Variants in CAND1 observed in about 807,000 individuals in gnomAD.
CAND1 encodes the protein cullin-associated NEDD8-dissociated protein 1.
Under a neutral mutation model 108.5 loss-of-function variants are expected in CAND1, and 7 were observed. The observed-to-expected ratio is 0.06, with a 90% CI of 0.04 to 0.12. The LOEUF (loss-of-function observed/expected upper bound fraction) is 0.12, where lower values mean the gene tolerates loss of function less well. Ranked by LOEUF, CAND1 falls within the 10% of genes least tolerant of loss-of-function variation. CAND1 has a pLI of 1.00. For missense variants in CAND1, 941 were observed against 1,448.7 expected, an observed-to-expected ratio of 0.65 and a Z score of 5.69; for synonymous variants, 534 against 512.0, an observed-to-expected ratio of 1.04 and a Z score of -0.58.
At position 67,292,767 on chromosome 12, in the gene CAND1, G is replaced by C; in HGVS notation, c.358G>C (p.Ala120Pro). 3 of 1,613,158 alleles carry C rather than the reference G, an allele frequency of 1.9e-6. No individual in the cohort carries two copies. The highest frequency in any genetic ancestry group is 1.7e-5 in the Admixed American group (1 of 59,840). The change falls in exon 3 of 15, where the codon GCT (alanine) becomes CCT (proline). Residue 120 changes from alanine (A) to proline (P), a missense_variant. Transcript: ENST00000545606. ...AACAGTAATTGGAGAACTTCCTCCA[G>C]CTTCCAGTGGTAAGCAAGAGCACAT... Reference protein sequence around the residue: ...LKTVIGELPPASSGSALAANV... With the variant: ...LKTVIGELPPPSSGSALAANV...
rs1364841583 is a variant in CAND1 at position 67,318,690 on chromosome 12, A to G, written c.*5860A>G. 6.6e-6 allele frequency: 1 copy of G among 152,156 alleles called. No individual in the cohort carries two copies. Among genetic ancestry groups the G allele is most frequent in the African/African-American group, 2.4e-5 (1 of 41,436 alleles). 9.4% of individuals were successfully genotyped at this position (152,156 alleles called of 1,614,324 possible). On this transcript the variant is annotated 3_prime_UTR_variant, in exon 15 of 15. Transcript: ENST00000545606. ...TTTGTGTTCATTCATTTAGCAAGCC[A>G]ATTTATTACGCGCTTAGGGTGCTGC...
At chr12:67,310,883 A>T (rs2044942130) in intron 13 of CAND1, 2 of 152,138 alleles carry the variant, frequency 1.3e-5, no homozygotes, top group South Asian at 4.1e-4. Flanking sequence ...ACTTGAGAGA[A>T]ATCATACTGC....
rs184352472 is a variant in CAND1 at position 67,307,342 on chromosome 12, T to A, written c.2930-55T>A. 3.3e-3 allele frequency: 4,074 copies of A among 1,229,064 alleles called. 13 individuals are homozygous for A. The highest frequency in any genetic ancestry group is 4.7e-3 in the Admixed American group (268 of 56,766). 76.1% of individuals were successfully genotyped at this position (1,229,064 alleles called of 1,614,324 possible). A position where few individuals can be genotyped will look rare whatever the true frequency, so the allele number is the denominator to read the frequency against. On this transcript the variant is annotated intron_variant, in intron 10 of 14. Transcript: ENST00000545606. The stretch of plus-strand genomic sequence containing the variant: ...TATTTGGAGTGGTTTAAAAATGATG[T>A]CCGTGAGTTTTAGTGGACTACATAC...
At chr12:67,299,149 G>A (rs2044799018) in intron 7 of CAND1, 54 bp downstream of exon 7, 11 of 1,437,316 alleles carry the variant, frequency 7.7e-6, no homozygotes, top group Non-Finnish European at 9.2e-6. Context: ...ACTTATAGAT[G>A]GAGATGATTC....
chr12:67,284,697 C>T (rs1464920062), intron 2 of CAND1, among the ~76,000 whole-genome samples: 1 of 145,288 alleles, frequency 6.9e-6, no homozygotes, highest in African/African-American at 2.7e-5. Context: ...AAAGAGTACA[C>T]ATGCATGTAC....
intron 2 of CAND1, among the ~76,000 whole-genome samples, chr12:67,285,428 A>G (rs1199516905): frequency 6.6e-6 from 1 of 152,186 alleles, no homozygotes; most frequent in African/African-American, 2.4e-5. Context: ...TGACTAAAGT[A>G]TATTAGGGTT....
In CAND1 at chr12:67,269,732, G is replaced by C. The variant is rs762926113; in HGVS notation, c.15G>C (p.Ser5=). 5.6e-6 allele frequency: 9 copies of C among 1,606,342 alleles called. No individual in the cohort carries two copies. The highest frequency in any genetic ancestry group is 7.6e-6 in the Non-Finnish European group (9 of 1,177,600). The change falls in exon 1 of 15, where the codon TCG becomes TCC. Residue 5 remains serine, a synonymous_variant. Coordinates refer to ENST00000545606, the MANE Select transcript of CAND1 (RefSeq NM_018448.5). MASA[S]YHISNLLEKM... is the part of the protein sequence containing the mutation. ...AGGCCGTCAACATGGCGAGCGCCTCGTACCACATTTCCAATTTGCTGGAAA... is the reference window on the plus strand; with the variant it reads ...AGGCCGTCAACATGGCGAGCGCCTCCTACCACATTTCCAATTTGCTGGAAA...
chr12:67,318,725 A>G lies in CAND1; in HGVS notation c.*5895A>G, dbSNP rs2136029677. On this transcript the variant is annotated 3_prime_UTR_variant, in exon 15 of 15. Coordinates refer to ENST00000545606, the MANE Select transcript of CAND1 (RefSeq NM_018448.5). ...GCGCTTAGGGTGCTGCCAGGGCTAC[A>G]AAAGCTGTTGAGACTGTACTTGATA... The G allele has an allele frequency of 6.6e-6, 1 of 152,332 alleles. No individual in the cohort carries two copies. The highest frequency in any genetic ancestry group is 1.9e-4 in the East Asian group (1 of 5,184). 9.4% of individuals were successfully genotyped at this position (152,332 alleles called of 1,614,324 possible). A position where few individuals can be genotyped will look rare whatever the true frequency, so the allele number is the denominator to read the frequency against.
In CAND1 at chr12:67,297,554, T is replaced by C. The variant is rs776925230; in HGVS notation, c.639T>C (p.Asp213=). Residue 213 remains aspartate, a synonymous_variant, in exon 5 of 15, where the codon GAT becomes GAC. Coordinates refer to ENST00000545606, the MANE Select transcript of CAND1 (RefSeq NM_018448.5). ...GCTGTGGAAATATAGTTTTTGTAGA[T>C]CTTATTGAACATCTGTTGTCAGAGT... ...VMSCGNIVFV[D]LIEHLLSELS... The C allele has an allele frequency of 6.2e-7, 1 of 1,614,018 alleles. No individual in the cohort carries two copies. Among genetic ancestry groups the C allele is most frequent in the African/African-American group, 1.3e-5 (1 of 74,928 alleles).
chr12:67,295,679 A>G (rs1445569596), intron 4 of CAND1, among the ~76,000 whole-genome samples: 2 of 152,194 alleles, frequency 1.3e-5, no homozygotes, highest in African/African-American at 4.8e-5. Flanking sequence ...GGACCTGTCA[A>G]TTTCTGATTC....
chr12:67,294,082 A>G (rs760330762), intron 3 of CAND1, among the ~76,000 whole-genome samples: 2 of 152,228 alleles, frequency 1.3e-5, no homozygotes, highest in Admixed American at 6.5e-5. Flanking sequence ...ACTTATTTCA[A>G]TAAAACATTT....
chr12:67,303,817 T>G (rs1026892621), intron 8 of CAND1, among the ~76,000 whole-genome samples: 13 of 152,014 alleles, frequency 8.6e-5, no homozygotes, highest in Admixed American at 6.6e-4. Flanking sequence ...GTGAGGTTGA[T>G]TCCTTCTAAC....
At chr12:67,282,255 G>T (rs1352432771) in intron 2 of CAND1, 3 of 442,518 alleles carry the variant, frequency 6.8e-6, no homozygotes, top group Admixed American at 4.4e-5. Context: ...TTACTAAATG[G>T]TATTTTCTTT....
chr12:67,311,583 G>T, intron 13 of CAND1, 110 bp from the exon 14 acceptor site: 1 of 372,728 alleles, frequency 2.7e-6, no homozygotes, highest in South Asian at 2.4e-5. Context: ...TTAAAAGGAA[G>T]GTTTACTTTG....
intron 9 of CAND1, 123 bp downstream of exon 9, chr12:67,304,869 CTA>C: frequency 8.5e-7 from 1 of 1,173,516 alleles, no homozygotes; most frequent in Non-Finnish European, 1.2e-6. Context: ...GCACATAGAG[CTA>C]ACTTTTTAAT....
rs1565721208 is a variant in CAND1 at position 67,292,682 on chromosome 12, C to G, written c.273C>G (p.Leu91=). ...EYQVETIVDT[L]CTNMLSDKEQ... The stretch of plus-strand genomic sequence containing the variant: ...AAGTAGAGACAATTGTAGATACCCT[C>G]TGCACTAACATGCTTTCTGATAAAG... The change falls in exon 3 of 15, where the codon CTC becomes CTG. Residue 91 remains leucine, a synonymous_variant. Transcript: ENST00000545606. 6.2e-7 allele frequency: 1 copy of G among 1,613,208 alleles called. No individual in the cohort carries two copies. Among genetic ancestry groups the G allele is most frequent in the Non-Finnish European group, 8.5e-7 (1 of 1,179,282 alleles).
intron 14 of CAND1, among the ~76,000 whole-genome samples, chr12:67,312,361 C>G (rs1202179393): frequency 6.6e-6 from 1 of 151,908 alleles, no homozygotes; most frequent in African/African-American, 2.4e-5. Context: ...GTCCTACTCT[C>G]TTTGTTACAA....
At chr12:67,303,097 C>A (rs1219393855) in intron 8 of CAND1, among the ~76,000 whole-genome samples, 1 of 152,136 alleles carries the variant, frequency 6.6e-6, no homozygotes, top group Non-Finnish European at 1.5e-5. Flanking sequence ...TTGATATATG[C>A]CAGTACTTAC....
chr12:67,299,843 A>G (rs191255581), intron 7 of CAND1, among the ~76,000 whole-genome samples: 1 of 152,090 alleles, frequency 6.6e-6, no homozygotes, highest in Non-Finnish European at 1.5e-5. Flanking sequence ...AGGTTGGTGG[A>G]TTTTTTGTTA....
Sources: gnomAD v4.1 joint callset for allele counts (sites outside exome capture counted in the v4.1 genomes callset) on GRCh38, gnomAD v4.1.1 for gene constraint, MANE v1.5 for transcripts, NCBI Gene and HGNC (gene_info 2026-07-23, HGNC 2026-07-21) for gene names.